The following DCUN1D2 variants were observed in gnomAD, a reference collection of about 807,000 sequenced individuals.
The protein encoded by DCUN1D2 is defective in cullin neddylation 1 domain containing 2.
Under a neutral mutation model 30.9 loss-of-function variants are expected in DCUN1D2, and 29 were observed. That is an observed-to-expected ratio of 0.94 (90% CI 0.70 to 1.28). DCUN1D2 has a LOEUF of 1.28. Ranked by LOEUF, DCUN1D2 falls within the 50% of genes most tolerant of loss-of-function variation. DCUN1D2 has a pLI of 0.00. For missense variants in DCUN1D2, 325 were observed against 316.9 expected (o/e 1.03, Z -0.19); for synonymous variants, 121 against 115.3 (o/e 1.05, Z -0.32).
rs772809937 is a variant in DCUN1D2 at position 113,480,663 on chromosome 13, T to G, written c.301A>C (p.Ser101Arg). 6.2e-7 allele frequency: 1 copy of G among 1,614,134 alleles called. No individual in the cohort carries two copies. Among genetic ancestry groups the G allele is most frequent in the East Asian group, 2.2e-5 (1 of 44,874 alleles). The stretch of plus-strand genomic sequence containing the variant: ...AACTTCCACGCTATGACCAATACAC[T>G]GATACTGGCAGGATCCAGGCTCAGA... Reference protein sequence around the residue: ...DDLSLDPASISVLVIAWKFRA... With the variant: ...DDLSLDPASIRVLVIAWKFRA... Residue 101 changes from serine (S) to arginine (R), a missense_variant, in exon 3 of 7, where the codon AGT becomes CGT. Ser to Arg is a moderately radical substitution (Grantham distance 110, BLOSUM62 -1). Coordinates refer to ENST00000478244, the MANE Select transcript of DCUN1D2 (RefSeq NM_001014283.2).
At position 113,490,545 on chromosome 13, in the gene DCUN1D2, G is replaced by A; in HGVS notation, c.3+122C>T. On this transcript the variant is annotated intron_variant, in intron 1 of 6. Coordinates refer to ENST00000478244, the MANE Select transcript of DCUN1D2 (RefSeq NM_001014283.2). The surrounding 1 kb of genome is among the most constrained non-coding windows in gnomAD (Gnocchi z 5.2). ...CGGCGCGTTCCTCCCTCGGATCCAC[G>A]CGGAACGCCCCGCGCAGCTCGCTGG... 2 of 1,036,008 alleles carry A rather than the reference G, an allele frequency of 1.9e-6. No individual in the cohort carries two copies. The highest frequency in any genetic ancestry group is 9.0e-5 in the Admixed American group (2 of 22,256). The allele number at this position is 1,036,008 out of a possible 1,614,324, so 64.2% of individuals were successfully genotyped here. A position where few individuals can be genotyped will look rare whatever the true frequency, so the allele number is the denominator to read the frequency against.
upstream of DCUN1D2, chr13:113,490,802 C>G (rs528429180): frequency 5.4e-5 from 45 of 840,756 alleles, no homozygotes; most frequent in Non-Finnish European, 6.3e-5. This position sits in a 1 kb window ranked among gnomAD's most constrained non-coding sequence, Gnocchi z 5.2. Context: ...GGGACTCCCA[C>G]TCCCGGCATG....
At chr13:113,465,949 G>C (rs1410634085) in intron 4 of DCUN1D2, among the ~76,000 whole-genome samples, 2 of 152,004 alleles carry the variant, frequency 1.3e-5, no homozygotes, top group African/African-American at 4.8e-5. Context: ...GCAGTGATGT[G>C]ATATCAGCTG....
At chr13:113,458,417 C>A (rs1216447648) in intron 6 of DCUN1D2, among the ~76,000 whole-genome samples, 3 of 152,170 alleles carry the variant, frequency 2.0e-5, no homozygotes, top group East Asian at 1.9e-4. Flanking sequence ...AATGGACCCC[C>A]GCGGAGCAGG....
In DCUN1D2 at chr13:113,457,541, A is replaced by G. The variant is rs1404073365; in HGVS notation, c.*488T>C. On this transcript the variant is annotated 3_prime_UTR_variant, in exon 7 of 7. Transcript: ENST00000478244. The stretch of plus-strand genomic sequence containing the variant: ...GCTGGCACCAATTTTAAAAAACATT[A>G]GACTCTACGACAAGATCCTCTCCCT... 6.6e-6 allele frequency: 1 copy of G among 152,614 alleles called. No individual in the cohort carries two copies. The highest frequency in any genetic ancestry group is 1.5e-5 in the Non-Finnish European group (1 of 68,316). 9.5% of individuals were successfully genotyped at this position (152,614 alleles called of 1,614,324 possible).
chr13:113,477,757 T>C (rs1441809824), intron 3 of DCUN1D2, among the ~76,000 whole-genome samples: 1 of 152,038 alleles, frequency 6.6e-6, no homozygotes, highest in Non-Finnish European at 1.5e-5. Context: ...ACCCATCTTA[T>C]GCACTGGGAT....
In DCUN1D2 at chr13:113,474,137, C is replaced by T; in HGVS notation, c.507G>A (p.Gly169=). The change falls in exon 4 of 7, where the codon GGG becomes GGA. Residue 169 remains glycine, a synonymous_variant. Transcript: ENST00000478244. Reference sequence around the variant, plus strand: ...TTTCATACTCACCTAAACCTTTCTGCCCTGGGTTCTTAGCGAAGGTGAAGG... The same window carrying T: ...TTTCATACTCACCTAAACCTTTCTGTCCTGGGTTCTTAGCGAAGGTGAAGG... ...QFTFTFAKNP[G]QKGLDLEMAV... is the part of the protein sequence containing the mutation. 7 of 1,614,024 alleles carry T rather than the reference C, an allele frequency of 4.3e-6. No homozygotes were observed. The highest frequency in any genetic ancestry group is 5.9e-6 in the Non-Finnish European group (7 of 1,179,906).
chr13:113,475,650 G>C (rs538904010), intron 3 of DCUN1D2, among the ~76,000 whole-genome samples: 29 of 152,300 alleles, frequency 1.9e-4, no homozygotes, highest in Non-Finnish European at 7.4e-5. Flanking sequence ...GCTTTGAGAG[G>C]TGGAGGAGGG....
intron 4 of DCUN1D2, among the ~76,000 whole-genome samples, chr13:113,468,168 T>G (rs1215452346): frequency 2.0e-5 from 3 of 151,774 alleles, no homozygotes; most frequent in African/African-American, 7.3e-5. Flanking sequence ...TCCACTGGGA[T>G]AAACAAAACG....
rs552114772 is a variant in DCUN1D2, at chr13:113,455,861, C to G, written c.*2168G>C. 5 of 187,896 alleles carry G rather than the reference C, an allele frequency of 2.7e-5. No homozygotes were observed. The South Asian group carries it at 9.8e-4, about 37-fold the overall frequency. 11.6% of individuals were successfully genotyped at this position (187,896 alleles called of 1,614,324 possible). A position where few individuals can be genotyped will look rare whatever the true frequency, so the allele number is the denominator to read the frequency against. ...TAATGCTTCTGTTCTCAGCATTTCA[C>G]AGCATGCAGGACTCAAATGGATACA... On this transcript the variant is annotated 3_prime_UTR_variant, in exon 7 of 7. Transcript: ENST00000478244.
chr13:113,483,302 T>G (rs1189603774), intron 2 of DCUN1D2, among the ~76,000 whole-genome samples: 1 of 152,026 alleles, frequency 6.6e-6, no homozygotes, highest in Non-Finnish European at 1.5e-5. Flanking sequence ...CAACAAAAAG[T>G]TTCTTTGCTG....
At chr13:113,484,484 T>C (rs1472419802) in intron 1 of DCUN1D2, among the ~76,000 whole-genome samples, 1 of 152,206 alleles carries the variant, frequency 6.6e-6, no homozygotes, top group Admixed American at 6.5e-5. Flanking sequence ...GCTGTGCGGT[T>C]TGGAGATTTT....
chr13:113,486,117 TAA>T (rs1394325857), intron 1 of DCUN1D2, among the ~76,000 whole-genome samples: 2 of 152,050 alleles, frequency 1.3e-5, no homozygotes, highest in African/African-American at 4.8e-5. Flanking sequence ...CAATCATTCT[TAA>T]AAACATATAG....
At chr13:113,471,756 A>AG (rs1397282018) in intron 4 of DCUN1D2, among the ~76,000 whole-genome samples, 7 of 152,228 alleles carry the variant, frequency 4.6e-5, no homozygotes, top group African/African-American at 1.4e-4. Context: ...GACACACTTA[A>AG]GACATTCAAA....
At position 113,458,037 on chromosome 13, in the gene DCUN1D2, G is replaced by T; in HGVS notation, c.772C>A (p.Leu258Ile). 1 of 1,614,016 alleles carries T rather than the reference G, an allele frequency of 6.2e-7. No homozygotes were observed. The highest frequency in any genetic ancestry group is 8.5e-7 in the Non-Finnish European group (1 of 1,179,878). The change falls in exon 7 of 7, where the codon CTT becomes ATT. Residue 258 changes from leucine (L) to isoleucine (I), a missense_variant. Coordinates refer to ENST00000478244, the MANE Select transcript of DCUN1D2 (RefSeq NM_001014283.2). The stretch of plus-strand genomic sequence containing the variant: ...CCTGCTTAACTTGCTGCCTAGAAAA[G>T]GCTGCGTTTTCCACCTGTGACTACT... ...RPVVTGGKRS[L>I]F
At chr13:113,487,536 G>C (rs149648402) in intron 1 of DCUN1D2, among the ~76,000 whole-genome samples, 1 of 152,102 alleles carries the variant, frequency 6.6e-6, no homozygotes, top group Non-Finnish European at 1.5e-5. Flanking sequence ...CACAGTGCAC[G>C]AGTCCAGCCA....
In DCUN1D2 at chr13:113,490,646, A is replaced by C. The variant is rs1361847175; in HGVS notation, c.3+21T>G. The C allele has an allele frequency of 4.8e-6, 6 of 1,239,996 alleles. No homozygotes were observed. The highest frequency in any genetic ancestry group is 6.0e-6 in the Non-Finnish European group (6 of 992,240). 76.8% of individuals were successfully genotyped at this position (1,239,996 alleles called of 1,614,324 possible). A position where few individuals can be genotyped will look rare whatever the true frequency, so the allele number is the denominator to read the frequency against. On this transcript the variant is annotated intron_variant, in intron 1 of 6. Transcript: ENST00000478244. This position sits in a 1 kb window ranked among gnomAD's most constrained non-coding sequence, Gnocchi z 5.2. ...CCCCGACCCCGACCCCGACGGGCAG[A>C]GGCGACGCCGGGCCACCTACCATCT... is the stretch of plus-strand genomic sequence containing the variant.
intron 4 of DCUN1D2, among the ~76,000 whole-genome samples, chr13:113,473,822 C>T (rs2044565232): frequency 6.6e-6 from 1 of 152,196 alleles, no homozygotes; most frequent in Non-Finnish European, 1.5e-5. Flanking sequence ...AAGGCAAGAC[C>T]TTGTCTTTAC....
At chr13:113,464,250 A>C (rs1310069261) in intron 4 of DCUN1D2, among the ~76,000 whole-genome samples, 1 of 152,256 alleles carries the variant, frequency 6.6e-6, no homozygotes, top group Admixed American at 6.5e-5. Flanking sequence ...ATTTCATTTA[A>C]GTATCTACAG....
Sources: gnomAD v4.1 joint callset for allele counts (sites outside exome capture counted in the v4.1 genomes callset) on GRCh38, gnomAD v4.1.1 for gene constraint, Gnocchi (gnomAD v3.1) non-coding constraint, MANE v1.5 for transcripts, NCBI Gene and HGNC (gene_info 2026-07-23, HGNC 2026-07-21) for gene names.